Variants in PRPF8 observed in about 807,000 individuals in gnomAD.
PRPF8 encodes the protein pre-mRNA-processing-splicing factor 8.
PRPF8 carries 64 observed loss-of-function variants against 285.9 expected under a neutral mutation model. The ratio of observed to expected loss-of-function variants is 0.22; its 90% CI spans 0.18 to 0.28. The LOEUF (loss-of-function observed/expected upper bound fraction) is 0.28. Ranked by LOEUF, PRPF8 falls within the 10% of genes least tolerant of loss-of-function variation. The pLI, the probability that PRPF8 is intolerant of heterozygous loss-of-function variation, is 1.00. For missense variants in PRPF8, 1,426 were observed against 3,026.7 expected, an observed-to-expected ratio of 0.47 and a Z score of 12.41; for synonymous variants, 1,325 against 1,118.2, an observed-to-expected ratio of 1.18 and a Z score of -3.69.
rs745323864 is a variant in PRPF8, at chr17:1,661,657, A to AAT, written c.4155_4156insAT (p.Trp1386IlefsTer19). ...TGCCTCTTGAGTGCGTACTCAGCCCAGACCCGCTGAGAATCAATGAACTCG... is the reference window on the plus strand; with the variant it reads ...TGCCTCTTGAGTGCGTACTCAGCCCAATGACCCGCTGAGAATCAATGAACTCG... On this transcript the variant is annotated frameshift_variant, in exon 26 of 43. Coordinates refer to ENST00000304992, the MANE Select transcript of PRPF8 (RefSeq NM_006445.4). LOFTEE classifies it high-confidence loss of function. This position sits in a 1 kb window ranked among gnomAD's most constrained non-coding sequence, Gnocchi z 7.3. 1 of 1,613,986 alleles carries AAT rather than the reference A, an allele frequency of 6.2e-7. No individual in the cohort carries two copies.
rs371898516 is a variant in PRPF8, at chr17:1,684,535, G to C, written c.37C>G (p.Pro13Ala). 2.1e-4 allele frequency: 336 copies of C among 1,612,496 alleles called. No homozygotes were observed. The highest frequency in any genetic ancestry group is 2.7e-4 in the Non-Finnish European group (318 of 1,179,884). ...GVFPYRGPGN[P>A]VPGPLAPLPD... is the part of the protein sequence containing the mutation. ...AGCGGGGCTAGAGGGCCAGGCACCGGGTTACCCGGCCCTCGATAAGGAAAC... is the reference window on the plus strand; with the variant it reads ...AGCGGGGCTAGAGGGCCAGGCACCGCGTTACCCGGCCCTCGATAAGGAAAC... The change falls in exon 2 of 43, where the codon CCG (proline) becomes GCG (alanine). Residue 13 changes from proline (P) to alanine (A), a missense_variant. This residue lies in a region of PRPF8 where 72 missense variants were observed against 80.0 expected (regional missense o/e 0.90). Transcript: ENST00000304992.
intron 34 of PRPF8, 151 bp from the exon 35 acceptor site, chr17:1,656,912 A>G: frequency 1.3e-6 from 1 of 783,702 alleles, no homozygotes; most frequent in Non-Finnish European, 2.2e-6. Flanking sequence ...AAGAGTATCA[A>G]ATGGCCGTGT....
rs1877040686 is a variant in PRPF8, at chr17:1,676,880, A to C, written c.2181+96T>G. ...CCCTGTCTAAAAGGGAAAAGAAAAG[A>C]GATTGGAGCCAGATAGCCCCCTAAT... is the stretch of plus-strand genomic sequence containing the variant. On this transcript the variant is annotated intron_variant, in intron 15 of 42. Coordinates refer to ENST00000304992, the MANE Select transcript of PRPF8 (RefSeq NM_006445.4). The surrounding 1 kb of genome is among the most constrained non-coding windows in gnomAD (Gnocchi z 6.3). 6.6e-7 allele frequency: 1 copy of C among 1,521,594 alleles called. No homozygotes were observed. The highest frequency in any genetic ancestry group is 1.4e-5 in the African/African-American group (1 of 73,048). The allele number at this position is 1,521,594 out of a possible 1,614,324, so 94.3% of individuals were successfully genotyped here.
At position 1,658,165 on chromosome 17, in the gene PRPF8, T is replaced by C; in HGVS notation, c.5505+88A>G. 2 of 1,589,904 alleles carry C rather than the reference T, an allele frequency of 1.3e-6. 1 individual carries two copies. Among genetic ancestry groups the C allele is most frequent in the South Asian group, 2.2e-5 (2 of 89,656 alleles). On this transcript the variant is annotated intron_variant, in intron 34 of 42. Coordinates refer to ENST00000304992, the MANE Select transcript of PRPF8 (RefSeq NM_006445.4). This position sits in a 1 kb window ranked among gnomAD's most constrained non-coding sequence, Gnocchi z 4.1. ...CAAATGAGATGTTCTCAGCCTTTCA[T>C]CTAATAAACCAGTAAATATTACCAA...
chr17:1,676,868 GGAAAA>G lies in PRPF8; in HGVS notation c.2181+103_2181+107del. 1.3e-6 allele frequency: 2 copies of G among 1,509,416 alleles called. No homozygotes were observed. The highest frequency in any genetic ancestry group is 1.8e-6 in the Non-Finnish European group (2 of 1,096,196). The allele number at this position is 1,509,416 out of a possible 1,614,324, so 93.5% of individuals were successfully genotyped here. A position where few individuals can be genotyped will look rare whatever the true frequency, so the allele number is the denominator to read the frequency against. ...GGTGCTTCTTTTCCCTGTCTAAAAGGGAAAAGAAAAGAGATTGGAGCCAGATAGCC... is the reference window on the plus strand; with the variant it reads ...GGTGCTTCTTTTCCCTGTCTAAAAGGGAAAAGAGATTGGAGCCAGATAGCC... On this transcript the variant is annotated intron_variant, in intron 15 of 42. Transcript: ENST00000304992. This position sits in a 1 kb window ranked among gnomAD's most constrained non-coding sequence, Gnocchi z 6.3.
intron 24 of PRPF8, among the ~76,000 whole-genome samples, chr17:1,665,772 G>A (rs1432522114): frequency 6.6e-6 from 1 of 151,010 alleles, no homozygotes; most frequent in East Asian, 1.9e-4. Flanking sequence ...CTTGAACTCA[G>A]AGGGCGGAGG....
At chr17:1,683,254 C>A in intron 3 of PRPF8, 1 of 458,566 alleles carries the variant, frequency 2.2e-6, no homozygotes, top group East Asian at 4.5e-5. Flanking sequence ...CTCGGCCTCC[C>A]AAAGTGCTGG....
intron 20 of PRPF8, among the ~76,000 whole-genome samples, chr17:1,674,902 G>C (rs749681637): frequency 1.3e-5 from 2 of 152,044 alleles, no homozygotes; most frequent in Non-Finnish European, 2.9e-5. Flanking sequence ...CTCCCAAGTA[G>C]CTGGGATTAC....
rs1176455213 is a variant in PRPF8, at chr17:1,679,104, G to A, written c.1512C>T (p.Leu504=). The change falls in exon 11 of 43, where the codon CTC becomes CTT. Residue 504 remains leucine, a synonymous_variant. Transcript: ENST00000304992. This position sits in a 1 kb window ranked among gnomAD's most constrained non-coding sequence, Gnocchi z 4.7. The part of the protein sequence containing the change: ...LQVCRQGYNM[L]NLLIHRKNLN... ...GGTTTTTGCGGTGAATGAGAAGGTTGAGCATGTTGTAGCCCTGGCGGCAAA... is the reference window on the plus strand; with the variant it reads ...GGTTTTTGCGGTGAATGAGAAGGTTAAGCATGTTGTAGCCCTGGCGGCAAA... 6.8e-6 allele frequency: 11 copies of A among 1,614,068 alleles called. No homozygotes were observed. Among genetic ancestry groups the A allele is most frequent in the Non-Finnish European group, 9.3e-6 (11 of 1,180,050 alleles).
Position 1,658,524 on chromosome 17 carries a change from AC to A in PRPF8, c.5376+1del. The A allele has an allele frequency of 6.2e-7, 1 of 1,612,416 alleles. No homozygotes were observed. Among genetic ancestry groups the A allele is most frequent in the Non-Finnish European group, 8.5e-7 (1 of 1,178,494 alleles). The stretch of plus-strand genomic sequence containing the variant: ...CACCTATACACTGCTGCTAACACTC[AC>A]CTTGTGAATAGTCACTCTGTAGACG... On this transcript the variant is annotated splice_donor_variant, in intron 33 of 42. Transcript: ENST00000304992. LOFTEE classifies it high-confidence loss of function. This position sits in a 1 kb window ranked among gnomAD's most constrained non-coding sequence, Gnocchi z 4.1.
chr17:1,674,412 G>T, intron 21 of PRPF8, 30 bp downstream of exon 21: 2 of 1,603,938 alleles, frequency 1.2e-6, no homozygotes, highest in Non-Finnish European at 1.7e-6. Context: ...TCAGTACCCT[G>T]CAAGGCTAGG....
At position 1,679,605 on chromosome 17, in the gene PRPF8, T is replaced by G; in HGVS notation, c.1289+4A>C. ...ATTCCCCCTGCCACAGGGAAAAACCTTACCAGTTCTTGACAAGGGGTATGT... is the reference window on the plus strand; with the variant it reads ...ATTCCCCCTGCCACAGGGAAAAACCGTACCAGTTCTTGACAAGGGGTATGT... On this transcript the variant is annotated splice_donor_region_variant and intron_variant, in intron 9 of 42. Transcript: ENST00000304992. The surrounding 1 kb of genome is among the most constrained non-coding windows in gnomAD (Gnocchi z 4.7). The G allele has an allele frequency of 1.2e-6, 2 of 1,613,160 alleles. No individual in the cohort carries two copies. Among genetic ancestry groups the G allele is most frequent in the Non-Finnish European group, 1.7e-6 (2 of 1,179,924 alleles).
At chr17:1,663,710 CAAAAAAAAAAAA>C (rs58454297) in intron 24 of PRPF8, among the ~76,000 whole-genome samples, 2,987 of 17,050 alleles carry the variant, frequency 0.18, 62 homozygotes, top group Non-Finnish European at 0.27. Context: ...GACTCCATCT[CAAAAAAAAAAAA>C]AAAAAAAAAA....
chr17:1,673,191 T>C lies in PRPF8; in HGVS notation c.3664A>G (p.Lys1222Glu), dbSNP rs1912420463. Residue 1222 changes from lysine (K) to glutamate (E), a missense_variant, in exon 24 of 43, where the codon AAG becomes GAG. Physicochemically the swap from Lys to Glu is moderately conservative, Grantham distance 56 (BLOSUM62 1). This residue lies in a region of PRPF8 where 10 missense variants were observed against 37.8 expected (regional missense o/e 0.26). Transcript: ENST00000304992. The surrounding 1 kb of genome is among the most constrained non-coding windows in gnomAD (Gnocchi z 5.5). ...AGGAAACACTGAGCTGTGCGCTCCT[T>C]AGTAACCTAAACCACAAAGTCAAGG... ...GVWNLQNEVT[K>E]ERTAQCFLRV... The C allele has an allele frequency of 6.2e-7, 1 of 1,614,054 alleles. No homozygotes were observed. The highest frequency in any genetic ancestry group is 8.5e-7 in the Non-Finnish European group (1 of 1,180,018).
In PRPF8 at chr17:1,659,760, C is replaced by T; in HGVS notation, c.4946+81G>A. On this transcript the variant is annotated intron_variant, in intron 31 of 42. Transcript: ENST00000304992. This position sits in a 1 kb window ranked among gnomAD's most constrained non-coding sequence, Gnocchi z 5.1. ...AAGTTTGAAACAAAGGCAGACAGGACAATTCCTAAAGTTGCAGGGCTAGAA... is the reference window on the plus strand; with the variant it reads ...AAGTTTGAAACAAAGGCAGACAGGATAATTCCTAAAGTTGCAGGGCTAGAA... The T allele has an allele frequency of 1.9e-6, 3 of 1,544,958 alleles. No homozygotes were observed. The highest frequency in any genetic ancestry group is 2.7e-6 in the Non-Finnish European group (3 of 1,126,692).
At position 1,661,514 on chromosome 17, in the gene PRPF8, C is replaced by T; in HGVS notation, c.4202+97G>A. The stretch of plus-strand genomic sequence containing the variant: ...GTCAGTAGAACCAGCCTTCTCACCT[C>T]CATACAACCATGGCATGCTCTGACC... On this transcript the variant is annotated intron_variant, in intron 26 of 42. Coordinates refer to ENST00000304992, the MANE Select transcript of PRPF8 (RefSeq NM_006445.4). The surrounding 1 kb of genome is among the most constrained non-coding windows in gnomAD (Gnocchi z 7.3). The T allele has an allele frequency of 6.2e-7, 1 of 1,607,576 alleles. No individual in the cohort carries two copies. The highest frequency in any genetic ancestry group is 8.5e-7 in the Non-Finnish European group (1 of 1,176,734).
At chr17:1,682,443 C>T in intron 3 of PRPF8, 150 bp from the exon 4 acceptor site, 2 of 869,496 alleles carry the variant, frequency 2.3e-6, no homozygotes, top group Admixed American at 2.2e-5. Flanking sequence ...TAACCAGAAA[C>T]CCTGCCTCTC....
intron 21 of PRPF8, among the ~76,000 whole-genome samples, 199 bp from the exon 22 acceptor site, chr17:1,674,091 C>T (rs939420726): frequency 1.3e-5 from 2 of 152,130 alleles, no homozygotes; most frequent in African/African-American, 4.8e-5. Flanking sequence ...GGCGCAATCC[C>T]GGCTCACTGC....
intron 24 of PRPF8, among the ~76,000 whole-genome samples, chr17:1,663,575 G>A (rs1434360747): frequency 1.3e-5 from 2 of 151,900 alleles, no homozygotes; most frequent in Non-Finnish European, 2.9e-5. Flanking sequence ...TGAGCGTGGT[G>A]GCACGCGCCT....
Sources: gnomAD v4.1 joint callset for allele counts (sites outside exome capture counted in the v4.1 genomes callset) on GRCh38, gnomAD v4.1.1 for gene constraint, gnomAD v4.1.1 regional missense constraint, Gnocchi (gnomAD v3.1) non-coding constraint, MANE v1.5 for transcripts, NCBI Gene and HGNC (gene_info 2026-07-23, HGNC 2026-07-21) for gene names.